The following GPC5 variants were observed in gnomAD, a reference collection of about 807,000 sequenced individuals.
GPC5 encodes glypican-5.
Under a neutral mutation model 53.9 loss-of-function variants are expected in GPC5, and 47 were observed. The ratio of observed to expected loss-of-function variants is 0.87; its 90% CI spans 0.69 to 1.11. The LOEUF (loss-of-function observed/expected upper bound fraction) is 1.11. Ranked by LOEUF, GPC5 falls within the 50% of genes most tolerant of loss-of-function variation. The probability of loss-of-function intolerance (pLI) is 0.00; values close to 1 mark genes in which losing one functional copy is unlikely to be tolerated. For synonymous variants in GPC5, 286 were observed against 263.3 expected, an observed-to-expected ratio of 1.09 and a Z score of -0.84; for missense variants, 748 against 713.1, an observed-to-expected ratio of 1.05 and a Z score of -0.56.
intron 7 of GPC5, among the ~76,000 whole-genome samples, chr13:92,529,591 C>T (rs1881482203): frequency 6.6e-6 from 1 of 152,126 alleles, no homozygotes; most frequent in Non-Finnish European, 1.5e-5. Flanking sequence ...AAGTAACCTG[C>T]TATTTAGCTG....
intron 7 of GPC5, among the ~76,000 whole-genome samples, chr13:92,259,880 A>G (rs1038888732): frequency 2.6e-5 from 4 of 152,094 alleles, no homozygotes; most frequent in African/African-American, 7.2e-5. Flanking sequence ...TCACCCTCTA[A>G]GTGGCCCATT....
intron 2 of GPC5, among the ~76,000 whole-genome samples, chr13:91,543,826 A>T (rs2030114002): frequency 6.6e-6 from 1 of 152,190 alleles, no homozygotes; most frequent in African/African-American, 2.4e-5. Context: ...TTTACTATAG[A>T]GCCTATATTT....
intron 7 of GPC5, among the ~76,000 whole-genome samples, chr13:92,211,561 G>C (rs1317291076): frequency 6.6e-6 from 1 of 152,250 alleles, no homozygotes; most frequent in African/African-American, 2.4e-5. Flanking sequence ...TACTGGCTAA[G>C]GAAGTGGCTT....
At chr13:92,082,557 A>G (rs569159139) in intron 6 of GPC5, among the ~76,000 whole-genome samples, 6 of 152,346 alleles carry the variant, frequency 3.9e-5, no homozygotes, top group Non-Finnish European at 8.8e-5. Flanking sequence ...CTACGAAGAA[A>G]ATTCCTTAGC....
At chr13:92,586,980 G>GCA (rs1164164884) in intron 7 of GPC5, among the ~76,000 whole-genome samples, 1 of 133,068 alleles carries the variant, frequency 7.5e-6, no homozygotes, top group Non-Finnish European at 1.6e-5. Context: ...ACACACACAC[G>GCA]CACACACACT....
At position 92,011,749 on chromosome 13, in the gene GPC5, G is replaced by T. The variant is rs188654742; in HGVS notation, c.1401+103692G>T. On this transcript the variant is annotated intron_variant, in intron 6 of 7. Transcript: ENST00000377067. ...TCATTTATATATAAAGTGCTAGTTTGGTATCTTCAGTGAATAAAGTAATAA... is the reference window on the plus strand; with the variant it reads ...TCATTTATATATAAAGTGCTAGTTTTGTATCTTCAGTGAATAAAGTAATAA... Among the ~76,000 whole-genome samples the T allele has an allele frequency of 1.1e-3, 162 of 152,136 alleles. 2 individuals are homozygous for T. The highest frequency in any genetic ancestry group is 3.7e-3 in the African/African-American group (155 of 41,498).
chr13:92,305,528 C>T lies in GPC5; in HGVS notation c.1561+160539C>T, dbSNP rs901925129. Among the ~76,000 whole-genome samples the T allele has an allele frequency of 5.9e-5, 9 of 151,688 alleles. No individual in the cohort carries two copies. In the East Asian group the frequency reaches 9.6e-4, roughly 16 times the overall value. ...ACACAGAGTTATTATGGAAATTTCA[C>T]GGACTGTAAAACTAGATTACCAAAA... is the stretch of plus-strand genomic sequence containing the variant. On this transcript the variant is annotated intron_variant, in intron 7 of 7. Transcript: ENST00000377067.
intron 3 of GPC5, among the ~76,000 whole-genome samples, chr13:91,712,881 T>C (rs1242530773): frequency 1.3e-5 from 2 of 150,188 alleles, no homozygotes; most frequent in African/African-American, 4.9e-5. Context: ...AAGAGATGGA[T>C]GAATACAAAC....
chr13:92,291,469 A>G (rs2139184287), intron 7 of GPC5, among the ~76,000 whole-genome samples: 1 of 152,226 alleles, frequency 6.6e-6, no homozygotes, highest in East Asian at 1.9e-4. Flanking sequence ...TATCTAGCTA[A>G]TCTAGTGGGG....
chr13:92,864,177 C>T (rs910496597), intron 7 of GPC5, among the ~76,000 whole-genome samples: 12 of 152,152 alleles, frequency 7.9e-5, no homozygotes, highest in South Asian at 6.2e-4. Context: ...TCCATAACTA[C>T]GGCCATGACT....
chr13:91,864,074 G>C lies in GPC5; in HGVS notation c.1281-43863G>C, dbSNP rs544135788. On this transcript the variant is annotated intron_variant, in intron 5 of 7. Transcript: ENST00000377067. ...TATTTGGTTCATTCTTATTACACTT[G>C]ATTCTAATTCTTATGAAGTTGATGG... is the stretch of plus-strand genomic sequence containing the variant. Among the ~76,000 whole-genome samples, 5 of 152,226 alleles carry C rather than the reference G, an allele frequency of 3.3e-5. No individual in the cohort carries two copies. The South Asian group carries it at 1.0e-3, about 32-fold the overall frequency.
chr13:92,831,761 C>T (rs1053186448), intron 7 of GPC5, among the ~76,000 whole-genome samples: 18 of 152,122 alleles, frequency 1.2e-4, no homozygotes, highest in Middle Eastern at 6.3e-3. Context: ...TTCTAAGATA[C>T]GATTTTCTTT....
At chr13:92,042,731 A>T (rs958723287) in intron 6 of GPC5, among the ~76,000 whole-genome samples, 5 of 152,214 alleles carry the variant, frequency 3.3e-5, no homozygotes, top group Admixed American at 3.3e-4. Context: ...GCAAGAAAAA[A>T]ATCAGGCAAT....
intron 7 of GPC5, among the ~76,000 whole-genome samples, chr13:92,400,623 T>A (rs1875513158): frequency 6.6e-6 from 1 of 152,236 alleles, no homozygotes; most frequent in Non-Finnish European, 1.5e-5. Context: ...CCTTTTACTC[T>A]GCAATAAGAA....
chr13:92,757,414 G>C (rs1594484808), intron 7 of GPC5, among the ~76,000 whole-genome samples: 1 of 152,186 alleles, frequency 6.6e-6, no homozygotes, highest in African/African-American at 2.4e-5. Context: ...TCAGGACATA[G>C]GCATGGGCAA....
intron 6 of GPC5, among the ~76,000 whole-genome samples, chr13:92,097,372 T>G (rs942306436): frequency 6.6e-6 from 1 of 152,160 alleles, no homozygotes; most frequent in East Asian, 1.9e-4. Context: ...ATTGAGAAAT[T>G]CTCATCTATA....
chr13:92,761,986 G>A (rs1875194686), intron 7 of GPC5, among the ~76,000 whole-genome samples: 1 of 151,922 alleles, frequency 6.6e-6, no homozygotes, highest in African/African-American at 2.4e-5. Flanking sequence ...AAAGTTGATG[G>A]AAATTATCAC....
chr13:91,636,783 T>C (rs1332568194), intron 2 of GPC5, among the ~76,000 whole-genome samples: 1 of 152,074 alleles, frequency 6.6e-6, no homozygotes, highest in East Asian at 1.9e-4. Flanking sequence ...AGTGAGACAC[T>C]GTCCCTGCAA....
chr13:92,321,397 T>C (rs2043214562), intron 7 of GPC5, among the ~76,000 whole-genome samples: 1 of 152,106 alleles, frequency 6.6e-6, no homozygotes, highest in Admixed American at 6.6e-5. Context: ...AGCAAGACCA[T>C]CCTGGCCAAC....
Sources: gnomAD v4.1 joint callset for allele counts (sites outside exome capture counted in the v4.1 genomes callset) on GRCh38, gnomAD v4.1.1 for gene constraint, MANE v1.5 for transcripts, NCBI Gene and HGNC (gene_info 2026-07-23, HGNC 2026-07-21) for gene names.